TRIM54: variants seen among roughly 807,000 people sequenced by gnomAD.
TRIM54 encodes the protein tripartite motif-containing protein 54.
TRIM54 carries 40 observed loss-of-function variants against 42.0 expected under a neutral mutation model. The observed-to-expected ratio is 0.95, with a 90% CI of 0.74 to 1.24. The LOEUF (loss-of-function observed/expected upper bound fraction) is 1.24. TRIM54 is among the 50% of genes most tolerant of loss of function. The pLI, the probability that TRIM54 is intolerant of heterozygous loss-of-function variation, is 0.00. For missense variants in TRIM54, 485 were observed against 480.3 expected (o/e 1.01, Z -0.09); for synonymous variants, 199 against 194.9 (o/e 1.02, Z -0.17).
chr2:27,304,166 C>T lies in TRIM54; in HGVS notation c.514-793C>T, dbSNP rs1019976582. The stretch of plus-strand genomic sequence containing the variant: ...GGTCGAGGCTGCAGTGAACTGAGAT[C>T]GAGCCACTGCACTCCAGCCTTGGTG... On this transcript the variant is annotated intron_variant, in intron 3 of 8. Coordinates refer to ENST00000380075, the MANE Select transcript of TRIM54 (RefSeq NM_187841.3). Among the ~76,000 whole-genome samples, 11 of 151,256 alleles carry T rather than the reference C, an allele frequency of 7.3e-5. No individual in the cohort carries two copies. In the East Asian group the frequency reaches 9.8e-4, roughly 13 times the overall value.
intron 3 of TRIM54, chr2:27,299,654 A>T (rs1678972400): frequency 1.3e-6 from 1 of 742,300 alleles, no homozygotes; most frequent in South Asian, 1.7e-5. Context: ...AAGATTATAG[A>T]TGTGAGCCAC....
chr2:27,298,008 G>T (rs967661848), intron 1 of TRIM54, among the ~76,000 whole-genome samples: 3 of 148,440 alleles, frequency 2.0e-5, no homozygotes, highest in South Asian at 2.2e-4. Flanking sequence ...AAAAGGCCGG[G>T]GGGAGGGCAT....
At chr2:27,303,010 T>G (rs1409721390) in intron 3 of TRIM54, among the ~76,000 whole-genome samples, 2 of 152,012 alleles carry the variant, frequency 1.3e-5, no homozygotes, top group Non-Finnish European at 2.9e-5. Context: ...ACTTGCAGGG[T>G]CCTCTCTATC....
chr2:27,300,684 G>A (rs935047659), intron 3 of TRIM54, among the ~76,000 whole-genome samples: 7 of 148,434 alleles, frequency 4.7e-5, no homozygotes, highest in African/African-American at 1.8e-4. Flanking sequence ...AGCCTGAGCT[G>A]TGTAACATAG....
At chr2:27,299,135 A>G (rs1240485692) in intron 2 of TRIM54, 110 bp from the exon 3 acceptor site, 13 of 1,278,660 alleles carry the variant, frequency 1.0e-5, no homozygotes, top group Non-Finnish European at 1.4e-5. Context: ...CAGCCACAGC[A>G]CTAGCTGCAG....
At chr2:27,294,537 A>C (rs1420443227) in intron 1 of TRIM54, among the ~76,000 whole-genome samples, 2 of 152,166 alleles carry the variant, frequency 1.3e-5, no homozygotes, top group Non-Finnish European at 2.9e-5. Context: ...ATGACCGTGT[A>C]CAATTTATTT....
chr2:27,283,763 G>GGCACACACACACAC (rs1678454998), intron 1 of TRIM54, among the ~76,000 whole-genome samples: 1 of 103,782 alleles, frequency 9.6e-6, no homozygotes, highest in African/African-American at 3.7e-5. Context: ...GAGGGGCAAA[G>GGCACACACACACAC]GCACACACAC....
At chr2:27,301,395 C>T (rs1387955361) in intron 3 of TRIM54, among the ~76,000 whole-genome samples, 6 of 152,190 alleles carry the variant, frequency 3.9e-5, no homozygotes, top group Non-Finnish European at 7.3e-5. Flanking sequence ...TCTCCTTGGC[C>T]TCCCAAAGTG....
At chr2:27,286,814 C>G (rs556467124) in intron 1 of TRIM54, among the ~76,000 whole-genome samples, 22 of 152,242 alleles carry the variant, frequency 1.4e-4, no homozygotes, top group Admixed American at 1.2e-3. Context: ...TTCGCGCCAC[C>G]CAAATTCCAT....
At chr2:27,298,476 A>T in intron 1 of TRIM54, 91 bp from the exon 2 acceptor site, 1 of 968,742 alleles carries the variant, frequency 1.0e-6, no homozygotes, top group Non-Finnish European at 1.6e-6. Context: ...TCAAGTTCCT[A>T]CTCCCTAGCC....
intron 1 of TRIM54, among the ~76,000 whole-genome samples, chr2:27,285,503 T>C (rs903845759): frequency 2.6e-5 from 4 of 152,210 alleles, no homozygotes; most frequent in African/African-American, 9.6e-5. Context: ...TAGGAGTTCA[T>C]ATCATGAAAA....
At position 27,282,671 on chromosome 2, in the gene TRIM54, G is replaced by T. The variant is rs1464662018; in HGVS notation, c.-61G>T. 7.1e-6 allele frequency: 11 copies of T among 1,551,718 alleles called. No individual in the cohort carries two copies. Among genetic ancestry groups the T allele is most frequent in the African/African-American group, 1.4e-5 (1 of 72,676 alleles). ...CCAGAGGCCATCTAAGCGAGGAAGG[G>T]TCTACAGGCAGTGAGTGAAGGCCAG... On this transcript the variant is annotated 5_prime_UTR_variant, in exon 1 of 9. Coordinates refer to ENST00000380075, the MANE Select transcript of TRIM54 (RefSeq NM_187841.3).
intron 1 of TRIM54, among the ~76,000 whole-genome samples, chr2:27,296,718 T>C (rs536973051): frequency 3.3e-5 from 5 of 152,288 alleles, no homozygotes; most frequent in Admixed American, 6.5e-5. Flanking sequence ...GCACAGCCAA[T>C]TGGCCACACC....
intron 3 of TRIM54, among the ~76,000 whole-genome samples, chr2:27,303,871 A>T (rs1017913943): frequency 6.6e-6 from 1 of 150,972 alleles, no homozygotes. Flanking sequence ...AATGCTTTTT[A>T]AAAAAAGATG....
At chr2:27,304,598 A>C in intron 3 of TRIM54, 1 of 193,404 alleles carries the variant, frequency 5.2e-6, no homozygotes, top group Non-Finnish European at 1.1e-5. Flanking sequence ...ATGAGAGGAT[A>C]AAGAGAATAG....
chr2:27,287,092 C>T (rs573951535), intron 1 of TRIM54, among the ~76,000 whole-genome samples: 2 of 152,350 alleles, frequency 1.3e-5, no homozygotes, highest in Admixed American at 1.3e-4. Flanking sequence ...AGGCTTAGCA[C>T]TCCTGGATTC....
intron 1 of TRIM54, among the ~76,000 whole-genome samples, chr2:27,288,832 C>T (rs1678644845): frequency 6.6e-6 from 1 of 152,190 alleles, no homozygotes; most frequent in Admixed American, 6.5e-5. Context: ...GATGGAATTT[C>T]CTCTACACAT....
At chr2:27,285,966 T>C (rs900425840) in intron 1 of TRIM54, among the ~76,000 whole-genome samples, 27 of 152,090 alleles carry the variant, frequency 1.8e-4, no homozygotes, top group Admixed American at 1.7e-3. Flanking sequence ...AGGTGGCTCA[T>C]GCCTGTAATC....
At chr2:27,299,535 G>A in intron 3 of TRIM54, 119 bp downstream of exon 3, 1 of 1,534,990 alleles carries the variant, frequency 6.5e-7, no homozygotes, top group Non-Finnish European at 8.7e-7. Context: ...TTTAGAAACA[G>A]GATCTCACTC....
Sources: allele counts gnomAD v4.1 joint callset (sites outside exome capture counted in the v4.1 genomes callset), GRCh38; gene constraint gnomAD v4.1.1; transcripts MANE v1.5; gene names NCBI Gene and HGNC (gene_info 2026-07-23, HGNC 2026-07-21).